The following TARP variants were observed in gnomAD, a reference collection of about 807,000 sequenced individuals.
the TARP span, among the ~76,000 whole-genome samples, chr7:38,263,892 C>A: frequency 6.6e-6 from 1 of 151,894 alleles, no homozygotes; most frequent in African/African-American, 2.4e-5. Flanking sequence ...ATCAAGTCTG[C>A]ATGTCCAAAT....
At chr7:38,263,135 A>G in the TARP span, among the ~76,000 whole-genome samples, 1 of 151,826 alleles carries the variant, frequency 6.6e-6, no homozygotes, top group Non-Finnish European at 1.5e-5. Context: ...TCTGGACATA[A>G]CAACAACAAT....
At chr7:38,269,858 G>T in the TARP span, among the ~76,000 whole-genome samples, 1 of 152,016 alleles carries the variant, frequency 6.6e-6, no homozygotes, top group Non-Finnish European at 1.5e-5. Context: ...CCAGCACTTT[G>T]GGAGGCTGAG....
chr7:38,271,571 A>T, the TARP span, among the ~76,000 whole-genome samples: 1 of 151,750 alleles, frequency 6.6e-6, no homozygotes, highest in African/African-American at 2.4e-5. Flanking sequence ...AAAGAAATTT[A>T]TCACGGATTT....
the TARP span, among the ~76,000 whole-genome samples, chr7:38,273,207 C>A: frequency 1.4e-5 from 2 of 144,976 alleles, no homozygotes; most frequent in Non-Finnish European, 3.0e-5. Context: ...TCAAATATTT[C>A]ATCTTTTGGT....
the TARP span, among the ~76,000 whole-genome samples, chr7:38,269,901 G>A: frequency 1.3e-5 from 2 of 151,852 alleles, no homozygotes; most frequent in Non-Finnish European, 2.9e-5. Flanking sequence ...GAATTTTGAG[G>A]CCAGCCTGGG....
At chr7:38,265,266 GT>G in the TARP span, 3 of 1,028,910 alleles carry the variant, frequency 2.9e-6, no homozygotes, top group Admixed American at 8.0e-5. Flanking sequence ...ATTTATGTTT[GT>G]TTTTCATTAA....
At chr7:38,265,755 G>A in the TARP span, 12 of 1,074,440 alleles carry the variant, frequency 1.1e-5, 1 homozygote, top group Non-Finnish European at 1.6e-5. Flanking sequence ...GAGTGGCCTA[G>A]TACATAACCA....
the TARP span, chr7:38,265,257 T>C: frequency 1.1e-6 from 1 of 945,148 alleles, no homozygotes; most frequent in East Asian, 2.6e-5. Context: ...TTAAGAAAGA[T>C]TTATGTTTGT....
the TARP span, chr7:38,259,848 G>T: frequency 4.2e-6 from 2 of 471,140 alleles, no homozygotes; most frequent in East Asian, 3.9e-5. Flanking sequence ...TGGAGGAGCT[G>T]TGGAAAACAT....
At chr7:38,266,825 C>T in the TARP span, among the ~76,000 whole-genome samples, 4 of 151,794 alleles carry the variant, frequency 2.6e-5, no homozygotes, top group African/African-American at 9.7e-5. Context: ...AGATTATTCA[C>T]CATCTCCTGA....
At chr7:38,268,348 C>T in the TARP span, among the ~76,000 whole-genome samples, 3 of 151,376 alleles carry the variant, frequency 2.0e-5, no homozygotes, top group African/African-American at 4.9e-5. Context: ...ATATCAACTA[C>T]AGTTTTTAGA....
the TARP span, among the ~76,000 whole-genome samples, chr7:38,261,081 G>A: frequency 6.6e-6 from 1 of 151,560 alleles, no homozygotes; most frequent in Non-Finnish European, 1.5e-5. Context: ...ATTCTTTGTT[G>A]GCTGATGAGA....
the TARP span, among the ~76,000 whole-genome samples, chr7:38,268,135 G>A: frequency 4.0e-5 from 6 of 151,228 alleles, 1 homozygote; most frequent in Middle Eastern, 0.01. Flanking sequence ...CATATTAAGA[G>A]TTTTTTATGG....
At chr7:38,272,280 C>T in the TARP span, among the ~76,000 whole-genome samples, 1 of 150,318 alleles carries the variant, frequency 6.7e-6, no homozygotes, top group Admixed American at 6.7e-5. Context: ...CTATCACCTA[C>T]CAAGTGCCAG....
chr7:38,260,646 A>T, the TARP span, among the ~76,000 whole-genome samples: 3 of 151,960 alleles, frequency 2.0e-5, no homozygotes, highest in East Asian at 5.8e-4. Flanking sequence ...TCAAGGAATA[A>T]GTAAAGACAG....
chr7:38,268,386 T>C, the TARP span, among the ~76,000 whole-genome samples: 2 of 151,644 alleles, frequency 1.3e-5, no homozygotes, highest in East Asian at 1.9e-4. Context: ...AATCTACATA[T>C]GGATATTTAT....
the TARP span, among the ~76,000 whole-genome samples, chr7:38,264,144 T>C: frequency 6.6e-6 from 1 of 151,958 alleles, no homozygotes; most frequent in Non-Finnish European, 1.5e-5. Flanking sequence ...TGAAAAGCAC[T>C]TCATTGATTA....
chr7:38,262,193 G>A, the TARP span: 1 of 1,612,296 alleles, frequency 6.2e-7, no homozygotes, highest in Non-Finnish European at 8.5e-7. Flanking sequence ...TTGAACAATT[G>A]TCTTTGGGAT....
At chr7:38,265,390 T>A in the TARP span, 1 of 1,612,246 alleles carries the variant, frequency 6.2e-7, no homozygotes, top group Non-Finnish European at 8.5e-7. Flanking sequence ...ATCAACTCCG[T>A]TTTTATTATT....
Sources: allele counts gnomAD v4.1 joint callset (sites outside exome capture counted in the v4.1 genomes callset), GRCh38; gene constraint gnomAD v4.1.1; transcripts MANE v1.5.